LRRIQ1: variants seen among roughly 807,000 people sequenced by gnomAD.
LRRIQ1 encodes the protein leucine-rich repeat- and IQ domain-containing protein 1.
LRRIQ1 carries 210 observed loss-of-function variants against 211.9 expected under a neutral mutation model. That is an observed-to-expected ratio of 0.99 (90% CI 0.89 to 1.11). The LOEUF (loss-of-function observed/expected upper bound fraction) is 1.11, where lower values mean the gene tolerates loss of function less well. Among genes scored for constraint, LRRIQ1 ranks in the 50% most tolerant of loss-of-function variants. LRRIQ1 has a pLI of 0.00. For synonymous variants in LRRIQ1, 699 were observed against 650.1 expected (o/e 1.08, Z -1.14); for missense variants, 2,136 against 1,939.5 (o/e 1.10, Z -1.90).
chr12:85,128,942 G>A (rs1014012447), intron 18 of LRRIQ1, among the ~76,000 whole-genome samples: 1 of 152,054 alleles, frequency 6.6e-6, no homozygotes, highest in Non-Finnish European at 1.5e-5. Flanking sequence ...TGTTGACTGG[G>A]GCCTTAGATC....
At chr12:85,041,418 G>C (rs1158475920) in intron 3 of LRRIQ1, among the ~76,000 whole-genome samples, 1 of 151,592 alleles carries the variant, frequency 6.6e-6, no homozygotes, top group Non-Finnish European at 1.5e-5. Context: ...GGAAAAAAAT[G>C]TAAGGAGATA....
chr12:85,164,179 C>T (rs1399078118), intron 24 of LRRIQ1, among the ~76,000 whole-genome samples: 4 of 152,154 alleles, frequency 2.6e-5, no homozygotes, highest in African/African-American at 9.7e-5. Flanking sequence ...CCTTAAAGAT[C>T]TGCAGCCAAG....
intron 18 of LRRIQ1, among the ~76,000 whole-genome samples, chr12:85,136,141 TCC>T (rs1247380636): frequency 3.9e-5 from 6 of 151,918 alleles, no homozygotes; most frequent in Non-Finnish European, 7.4e-5. Flanking sequence ...TTTACTCCTC[TCC>T]CTCACTCCTC....
intron 1 of LRRIQ1, among the ~76,000 whole-genome samples, chr12:85,261,596 A>G (rs1356284702): frequency 6.6e-6 from 1 of 151,726 alleles, no homozygotes; most frequent in Non-Finnish European, 1.5e-5. Context: ...AAAGCATCAC[A>G]ATGGAGAATC....
intron 1 of LRRIQ1, among the ~76,000 whole-genome samples, chr12:85,260,988 C>G (rs575157482): frequency 3.6e-4 from 55 of 152,278 alleles, no homozygotes; most frequent in Admixed American, 9.2e-4. Context: ...CTGACTGATT[C>G]ATAGAGAGTA....
At chr12:85,195,661 T>G (rs1290792520) in intron 24 of LRRIQ1, among the ~76,000 whole-genome samples, 2 of 151,296 alleles carry the variant, frequency 1.3e-5, no homozygotes, top group South Asian at 2.1e-4. Flanking sequence ...AATTAGGTAT[T>G]GATGGGACGT....
Position 85,098,951 on chromosome 12 carries a change from T to C in LRRIQ1, c.3166T>C (p.Tyr1056His). The C allele has an allele frequency of 6.3e-7, 1 of 1,575,178 alleles. No homozygotes were observed. The highest frequency in any genetic ancestry group is 2.3e-5 in the East Asian group (1 of 42,638). Residue 1056 changes from tyrosine to histidine, a missense_variant, in exon 13 of 27, where the codon TAC becomes CAC. By Grantham distance (83) the Tyr-to-His change is moderately conservative. Coordinates refer to ENST00000393217, the MANE Select transcript of LRRIQ1 (RefSeq NM_001079910.2). ...TTCAACTGTGGAAGCATTTTCTTCA[T>C]ACTGGCTGCCTTTACTACAAAATAT... ...SISTVEAFSS[Y>H]WLPLLQNITI...
In LRRIQ1 at chr12:85,139,907, T is replaced by G. The variant is rs527285618; in HGVS notation, c.4329+1938T>G. Reference sequence around the variant, plus strand: ...GGTAGTATAATTGTAAAATCTACCATTATTTTGCACTCTCTCAAATCTTAA... The same window carrying G: ...GGTAGTATAATTGTAAAATCTACCAGTATTTTGCACTCTCTCAAATCTTAA... On this transcript the variant is annotated intron_variant, in intron 19 of 26. Transcript: ENST00000393217. Among the ~76,000 whole-genome samples, 124 of 151,460 alleles carry G rather than the reference T, an allele frequency of 8.2e-4. 1 individual carries two copies. In the South Asian group the frequency reaches 0.025, roughly 31 times the overall value.
intron 19 of LRRIQ1, among the ~76,000 whole-genome samples, chr12:85,151,815 C>A (rs921012556): frequency 6.6e-6 from 1 of 151,416 alleles, no homozygotes; most frequent in Non-Finnish European, 1.5e-5. Context: ...GGTTTTTTTA[C>A]TCTATTCAGA....
chr12:85,202,771 A>G (rs1435369611), intron 24 of LRRIQ1, among the ~76,000 whole-genome samples: 2 of 152,194 alleles, frequency 1.3e-5, no homozygotes, highest in East Asian at 3.9e-4. Flanking sequence ...TGGGGCATTT[A>G]GCACATTTCC....
At chr12:85,269,338 T>C (rs552712468), downstream of LRRIQ1, among the ~76,000 whole-genome samples, 49 of 152,114 alleles carry the variant, frequency 3.2e-4, no homozygotes, top group African/African-American at 1.1e-3. Context: ...CCAATAATTA[T>C]TGGTGTATTT....
downstream of LRRIQ1, among the ~76,000 whole-genome samples, chr12:85,266,446 G>A (rs962482063): frequency 2.6e-5 from 4 of 152,146 alleles, no homozygotes; most frequent in African/African-American, 7.2e-5. Flanking sequence ...TATGTTTTAT[G>A]TGGCACTTCC....
chr12:85,091,642 A>G (rs1156972449), intron 11 of LRRIQ1, among the ~76,000 whole-genome samples: 1 of 152,152 alleles, frequency 6.6e-6, no homozygotes, highest in African/African-American at 2.4e-5. Context: ...TAGATGCTAC[A>G]TTTAGATCTA....
intron 1 of LRRIQ1, among the ~76,000 whole-genome samples, chr12:85,262,082 CAGGCCA>C (rs1896316860): frequency 6.6e-6 from 1 of 152,200 alleles, no homozygotes; most frequent in Admixed American, 6.5e-5. Context: ...GCCACTGCGC[CAGGCCA>C]TAATTCTTTA....
At chr12:85,071,921 G>A (rs116905272) in intron 10 of LRRIQ1, among the ~76,000 whole-genome samples, 8 of 151,984 alleles carry the variant, frequency 5.3e-5, no homozygotes, top group African/African-American at 1.4e-4. Flanking sequence ...ACAATTCAAG[G>A]TGAGATATGG....
chr12:85,086,614 C>T (rs1333768261), intron 11 of LRRIQ1, among the ~76,000 whole-genome samples: 1 of 147,566 alleles, frequency 6.8e-6, no homozygotes, highest in Admixed American at 6.8e-5. Flanking sequence ...TATTTCTTTT[C>T]TTTTTTTTTT....
intron 2 of LRRIQ1, among the ~76,000 whole-genome samples, chr12:85,039,039 T>C (rs1220672996): frequency 6.6e-6 from 1 of 151,302 alleles, no homozygotes; most frequent in Non-Finnish European, 1.5e-5. Context: ...TTTGTTATTT[T>C]ATTAGGATTG....
At chr12:85,060,459 A>T (rs924592664) in intron 8 of LRRIQ1, among the ~76,000 whole-genome samples, 1 of 151,902 alleles carries the variant, frequency 6.6e-6, no homozygotes, top group African/African-American at 2.4e-5. Context: ...AAGGGCACTG[A>T]GCTTAAGGAT....
intron 1 of LRRIQ1, among the ~76,000 whole-genome samples, 168 bp downstream of exon 1, chr12:85,036,575 C>T (rs769769991): frequency 1.7e-4 from 26 of 152,098 alleles, no homozygotes; most frequent in Non-Finnish European, 3.2e-4. Flanking sequence ...CCCTTCCACC[C>T]TGGAGATTTC....
Sources: allele counts gnomAD v4.1 joint callset (sites outside exome capture counted in the v4.1 genomes callset), GRCh38; gene constraint gnomAD v4.1.1; transcripts MANE v1.5; gene names NCBI Gene and HGNC (gene_info 2026-07-23, HGNC 2026-07-21).